GLYATL2: variants seen among roughly 807,000 people sequenced by gnomAD.
The protein encoded by GLYATL2 is glycine N-acyltransferase-like protein 2.
A neutral mutation model predicts 21.4 loss-of-function variants in GLYATL2; 25 were observed. That is an observed-to-expected ratio of 1.17 (90% CI 0.85 to 1.63). GLYATL2 has a LOEUF of 1.63. Among genes scored for constraint, GLYATL2 ranks in the 40% most tolerant of loss-of-function variants. The probability of loss-of-function intolerance (pLI) is 0.00; values close to 1 mark genes in which losing one functional copy is unlikely to be tolerated. For synonymous variants in GLYATL2, 114 were observed against 118.2 expected (o/e 0.96, Z 0.23); for missense variants, 361 against 343.3 (o/e 1.05, Z -0.41).
rs780751650 is a variant in GLYATL2, at chr11:58,834,742, T to G, written c.572A>C (p.Tyr191Ser). 6.2e-7 allele frequency: 1 copy of G among 1,613,988 alleles called. No individual in the cohort carries two copies. The highest frequency in any genetic ancestry group is 1.7e-5 in the Admixed American group (1 of 60,016). The change falls in exon 6 of 6, where the codon TAT becomes TCT. Residue 191 changes from tyrosine (Y) to serine (S), a missense_variant. Physicochemically the swap from Tyr to Ser is moderately radical, Grantham distance 144 (BLOSUM62 -2). Coordinates refer to ENST00000287275, the MANE Select transcript of GLYATL2 (RefSeq NM_145016.4). Reference sequence around the variant, plus strand: ...AAAATCCTGGAGGCAGCGTTCAATATATTTCAAGCTCCTCTCATTTTTCCC... The same window carrying G: ...AAAATCCTGGAGGCAGCGTTCAATAGATTTCAAGCTCCTCTCATTTTTCCC... ...AFGKNERSLK[Y>S]IERCLQDFLG...
intron 1 of GLYATL2, among the ~76,000 whole-genome samples, chr11:58,858,897 C>G (rs1853881585): frequency 1.3e-5 from 2 of 152,168 alleles, no homozygotes. Flanking sequence ...ATCACTGTCT[C>G]CCCTTATCCC....
chr11:58,869,251 A>T (rs1312053980), intron 1 of GLYATL2, among the ~76,000 whole-genome samples: 1 of 152,182 alleles, frequency 6.6e-6, no homozygotes, highest in Admixed American at 6.5e-5. Flanking sequence ...ATTCTTTTAT[A>T]ACACTGTTTG....
chr11:58,838,431 G>C, intron 2 of GLYATL2, 63 bp from the exon 3 acceptor site: 2 of 1,035,628 alleles, frequency 1.9e-6, no homozygotes, highest in Non-Finnish European at 2.9e-6. Flanking sequence ...AGTCTTATAT[G>C]TGGAGAAATA....
At chr11:58,848,301 A>C (rs1246931820), upstream of GLYATL2, among the ~76,000 whole-genome samples, 3 of 152,152 alleles carry the variant, frequency 2.0e-5, no homozygotes, top group African/African-American at 7.2e-5. Flanking sequence ...ACTGAAGAAC[A>C]TCTACTAGCA....
At chr11:58,871,415 C>T (rs12421313) in intron 1 of GLYATL2, among the ~76,000 whole-genome samples, 1 of 151,202 alleles carries the variant, frequency 6.6e-6, no homozygotes, top group Non-Finnish European at 1.5e-5. Context: ...GGTATATCAC[C>T]TAGTGCTATC....
chr11:58,880,648 G>C (rs138207748), intron 1 of GLYATL2, among the ~76,000 whole-genome samples: 194 of 152,216 alleles, frequency 1.3e-3, no homozygotes, highest in African/African-American at 4.2e-3. Context: ...GAAAAAAAAA[G>C]ACCAGGTTTT....
chr11:58,849,577 A>G (rs1481946763), upstream of GLYATL2, among the ~76,000 whole-genome samples: 1 of 152,230 alleles, frequency 6.6e-6, no homozygotes, highest in Non-Finnish European at 1.5e-5. Flanking sequence ...AGAAAAGCCC[A>G]GGATCTGACA....
chr11:58,906,918 A>G (rs905814548), upstream of GLYATL2, among the ~76,000 whole-genome samples: 1 of 152,128 alleles, frequency 6.6e-6, no homozygotes. Flanking sequence ...TTCCATAGCT[A>G]CACCCCGACA....
At chr11:58,896,352 C>T (rs926791146) in intron 1 of GLYATL2, among the ~76,000 whole-genome samples, 3 of 152,246 alleles carry the variant, frequency 2.0e-5, no homozygotes, top group Non-Finnish European at 2.9e-5. Flanking sequence ...TAAAACTAAC[C>T]GCAACTCGCC....
Position 58,834,787 on chromosome 11 carries a change from A to G in GLYATL2, c.527T>C (p.Val176Ala). Reference protein sequence around the residue: ...MFLDASHAGLVNEHWAFGKNE... With the variant: ...MFLDASHAGLANEHWAFGKNE... ...TTTCCCAAAGGCCCAGTGTTCATTC[A>G]CAAGACCTGCATGTGAAGCATCTAA... Residue 176 changes from valine (V) to alanine (A), a missense_variant, in exon 6 of 6, where the codon GTG (valine) becomes GCG (alanine). By Grantham distance (64) the Val-to-Ala change is moderately conservative. Coordinates refer to ENST00000287275, the MANE Select transcript of GLYATL2 (RefSeq NM_145016.4). 6.2e-7 allele frequency: 1 copy of G among 1,612,912 alleles called. No homozygotes were observed. Among genetic ancestry groups the G allele is most frequent in the Non-Finnish European group, 8.5e-7 (1 of 1,179,622 alleles).
upstream of GLYATL2, among the ~76,000 whole-genome samples, chr11:58,848,758 G>A (rs1365121898): frequency 9.8e-6 from 1 of 101,790 alleles, no homozygotes; most frequent in Non-Finnish European, 2.2e-5. Context: ...TTAAAGAGAA[G>A]GTAGAGATGG....
upstream of GLYATL2, among the ~76,000 whole-genome samples, chr11:58,904,726 C>T (rs181406871): frequency 3.5e-4 from 53 of 151,424 alleles, no homozygotes; most frequent in African/African-American, 1.3e-3. Flanking sequence ...TTCCAAACAC[C>T]ACAAGACCCG....
intron 1 of GLYATL2, among the ~76,000 whole-genome samples, chr11:58,867,976 C>A (rs1446113837): frequency 6.7e-6 from 1 of 148,758 alleles, no homozygotes; most frequent in Non-Finnish European, 1.5e-5. Flanking sequence ...TTTAGAGACA[C>A]TCCAGAGCTG....
At position 58,863,816 on chromosome 11, in the gene GLYATL2, G is replaced by T. The variant is rs573063727; in HGVS notation, n.61-25448C>A. The stretch of plus-strand genomic sequence containing the variant: ...TCTGGAACCGAGGTCTACAGAAACT[G>T]TCCTAGATACTGGGTCTGTGGGCAC... On this transcript the variant is annotated intron_variant and non_coding_transcript_variant, in intron 1 of 4. Coordinates refer to the GLYATL2 transcript ENST00000533636. Among the ~76,000 whole-genome samples, 163 of 152,320 alleles carry T rather than the reference G, an allele frequency of 1.1e-3. 5 individuals carry two copies. The South Asian group carries it at 0.032, about 30-fold the overall frequency.
intron 1 of GLYATL2, among the ~76,000 whole-genome samples, chr11:58,871,215 G>C (rs990077072): frequency 3.9e-5 from 6 of 152,110 alleles, no homozygotes; most frequent in African/African-American, 1.4e-4. Flanking sequence ...TTGGAAAAGA[G>C]TTTGAGTAAT....
Position 58,894,910 on chromosome 11 carries a change from T to C in GLYATL2, n.60+9246A>G, listed in dbSNP as rs555858012. On this transcript the variant is annotated intron_variant and non_coding_transcript_variant, in intron 1 of 4. Transcript: ENST00000533636. ...TACGTAAAAAATAAACTCGGGAACT[T>C]GGGGTAATGTGAAAACAGCTATATT... Among the ~76,000 whole-genome samples the C allele has an allele frequency of 1.5e-3, 227 of 152,180 alleles. 2 individuals are homozygous for C. The highest frequency in any genetic ancestry group is 5.2e-3 in the African/African-American group (217 of 41,536).
At position 58,866,398 on chromosome 11, in the gene GLYATL2, T is replaced by A. The variant is rs1854023858; in HGVS notation, n.61-28030A>T. ...TTTGCTACAGAAAGATGCAACCACA[T>A]CTAAAGCCACCATCATTTCAAGGTC... On this transcript the variant is annotated intron_variant and non_coding_transcript_variant, in intron 1 of 4. Transcript: ENST00000533636. 1.3e-5 allele frequency among the ~76,000 whole-genome samples: 2 copies of A among 148,828 alleles called. 1 individual carries two copies. Among genetic ancestry groups the A allele is most frequent in the Admixed American group, 1.4e-4 (2 of 14,418 alleles).
At chr11:58,856,757 C>T (rs1019839685) in intron 1 of GLYATL2, among the ~76,000 whole-genome samples, 4 of 152,054 alleles carry the variant, frequency 2.6e-5, no homozygotes, top group African/African-American at 9.7e-5. Flanking sequence ...TTGTGGTGCT[C>T]CAGAACAGCT....
intron 1 of GLYATL2, among the ~76,000 whole-genome samples, chr11:58,874,567 A>G (rs1854190755): frequency 6.6e-6 from 1 of 152,210 alleles, no homozygotes; most frequent in Non-Finnish European, 1.5e-5. Context: ...ATTCAGGAGC[A>G]GGTTGTTCAG....
Sources: gnomAD v4.1 joint callset for allele counts (sites outside exome capture counted in the v4.1 genomes callset) on GRCh38, gnomAD v4.1.1 for gene constraint, MANE v1.5 for transcripts, NCBI Gene and HGNC (gene_info 2026-07-23, HGNC 2026-07-21) for gene names.